Variants in ITGB1 observed in about 807,000 individuals in gnomAD.
ITGB1 encodes integrin subunit beta 1.
ITGB1 carries 24 observed loss-of-function variants against 86.5 expected under a neutral mutation model. That is an observed-to-expected ratio of 0.28 (90% confidence interval 0.20 to 0.39). ITGB1 has a LOEUF of 0.39. Among genes scored for constraint, ITGB1 ranks in the 10% least tolerant of loss-of-function variants. The pLI is 1.00. For missense variants in ITGB1, 556 were observed against 946.9 expected, an observed-to-expected ratio of 0.59 and a Z score of 5.42; for synonymous variants, 323 against 316.8, an observed-to-expected ratio of 1.02 and a Z score of -0.21.
intron 14 of ITGB1, among the ~76,000 whole-genome samples, chr10:32,909,390 A>G (rs2094906396): frequency 6.6e-6 from 1 of 152,202 alleles, no homozygotes; most frequent in Admixed American, 6.5e-5. Context: ...CTTCTACCAA[A>G]AAACAGAGGA....
intron 11 of ITGB1, among the ~76,000 whole-genome samples, chr10:32,917,743 G>A (rs537520517): frequency 6.6e-6 from 1 of 152,340 alleles, no homozygotes; most frequent in Admixed American, 6.5e-5. Context: ...TACACTGCTG[G>A]TGGGACTGTA....
chr10:32,942,187 C>G (rs1257976131), intron 1 of ITGB1, among the ~76,000 whole-genome samples: 2 of 152,144 alleles, frequency 1.3e-5, no homozygotes, highest in Non-Finnish European at 2.9e-5. Flanking sequence ...ATGTGCAGCC[C>G]AAGGGGGTGG....
At position 32,915,154 on chromosome 10, in the gene ITGB1, A is replaced by C. The variant is rs61856647; in HGVS notation, c.1470-3030T>G. Among the ~76,000 whole-genome samples the C allele has an allele frequency of 2.1e-3, 325 of 152,360 alleles. 1 individual carries two copies. The highest frequency in any genetic ancestry group is 3.7e-3 in the Non-Finnish European group (249 of 68,026). On this transcript the variant is annotated intron_variant, in intron 11 of 15. Coordinates refer to ENST00000302278, the MANE Select transcript of ITGB1 (RefSeq NM_002211.4). ...CACAACATACCAGAATCTCTGGGAC[A>C]CATTTAAAGCAGTGTGTAGAGGGAA...
At chr10:32,922,117 T>C (rs1177970934) in intron 9 of ITGB1, 140 bp downstream of exon 9, 4 of 517,476 alleles carry the variant, frequency 7.7e-6, no homozygotes, top group Non-Finnish European at 1.3e-5. Context: ...AAGTTTTTCC[T>C]CTAGATACAT....
chr10:32,935,082 T>G (rs1238272254), intron 2 of ITGB1, among the ~76,000 whole-genome samples: 6 of 152,228 alleles, frequency 3.9e-5, no homozygotes, highest in Non-Finnish European at 7.3e-5. Flanking sequence ...TTTGTGAGAC[T>G]TTTTTATCAA....
chr10:32,924,446 T>C (rs1175003249), intron 6 of ITGB1, among the ~76,000 whole-genome samples: 2 of 152,238 alleles, frequency 1.3e-5, no homozygotes, highest in Non-Finnish European at 2.9e-5. Context: ...ATTTAATACG[T>C]CTGTTTAGAT....
chr10:32,911,347 GTATATTTT>G, intron 13 of ITGB1, 93 bp downstream of exon 13: 1 of 988,604 alleles, frequency 1.0e-6, no homozygotes, highest in Non-Finnish European at 1.5e-6. Context: ...TTTATTTACA[GTATATTTT>G]AATATTGGCA....
chr10:32,945,724 T>C (rs915506319), intron 1 of ITGB1, among the ~76,000 whole-genome samples: 1 of 152,206 alleles, frequency 6.6e-6, no homozygotes, highest in African/African-American at 2.4e-5. Flanking sequence ...ATTTCTAGCA[T>C]TGTGGAGCAT....
In ITGB1 at chr10:32,918,258, G is replaced by A. The variant is rs2094938232; in HGVS notation, c.1469+1627C>T. 2.0e-5 allele frequency among the ~76,000 whole-genome samples: 3 copies of A among 151,994 alleles called. No individual in the cohort carries two copies. In the South Asian group the frequency reaches 6.3e-4, roughly 32 times the overall value. Reference sequence around the variant, plus strand: ...TACCTAATGTAAATGACGAGTTAATGGGTGCAGCACACCAACATGTCACAT... The same window carrying A: ...TACCTAATGTAAATGACGAGTTAATAGGTGCAGCACACCAACATGTCACAT... On this transcript the variant is annotated intron_variant, in intron 11 of 15. Coordinates refer to ENST00000302278, the MANE Select transcript of ITGB1 (RefSeq NM_002211.4).
At chr10:32,928,342 G>T (rs111844634) in intron 4 of ITGB1, 78 bp from the exon 5 acceptor site, 8 of 675,300 alleles carry the variant, frequency 1.2e-5, no homozygotes, top group African/African-American at 9.0e-5. Context: ...AATAAATGTG[G>T]TTTACACGGT....
intron 15 of ITGB1, 86 bp from the exon 16 acceptor site, chr10:32,901,721 G>A: frequency 1.2e-6 from 1 of 858,004 alleles, no homozygotes. Context: ...ACTAAAAGTT[G>A]CAATCATCTT....
intron 1 of ITGB1, among the ~76,000 whole-genome samples, chr10:32,950,425 G>C (rs1214317229): frequency 1.3e-5 from 2 of 152,146 alleles, no homozygotes; most frequent in Admixed American, 6.5e-5. Flanking sequence ...CTTACAGGAA[G>C]AACAATTAAA....
At chr10:32,905,556 AC>A (rs1402617119) in intron 15 of ITGB1, among the ~76,000 whole-genome samples, 1 of 152,228 alleles carries the variant, frequency 6.6e-6, no homozygotes, top group Non-Finnish European at 1.5e-5. Flanking sequence ...CATAACTGCT[AC>A]CAAGTACAAT....
intron 1 of ITGB1, among the ~76,000 whole-genome samples, chr10:32,952,298 A>G (rs1002432317): frequency 6.6e-6 from 1 of 152,184 alleles, no homozygotes; most frequent in African/African-American, 2.4e-5. Context: ...TTCTAAAACA[A>G]GAACCTCAGT....
chr10:32,934,000 C>T (rs1233189307), intron 2 of ITGB1, among the ~76,000 whole-genome samples: 1 of 152,136 alleles, frequency 6.6e-6, no homozygotes. Context: ...TACACATATA[C>T]ACATACTGTA....
intron 1 of ITGB1, chr10:32,953,819 A>C (rs1230881125): frequency 1.3e-5 from 2 of 152,180 alleles, no homozygotes; most frequent in African/African-American, 4.8e-5. Flanking sequence ...TCTGAAAATA[A>C]ATTACCACAA....
intron 1 of ITGB1, among the ~76,000 whole-genome samples, chr10:32,937,107 T>C (rs888110887): frequency 6.6e-6 from 1 of 152,110 alleles, no homozygotes; most frequent in African/African-American, 2.4e-5. Context: ...CTTAAATATA[T>C]AAAAGGTGAC....
intron 5 of ITGB1, 87 bp downstream of exon 5, chr10:32,928,007 G>A (rs2137220224): frequency 1.3e-6 from 1 of 783,788 alleles, no homozygotes; most frequent in Non-Finnish European, 2.0e-6. Flanking sequence ...AGTATGTTGT[G>A]AGTAACAAAG....
At chr10:32,934,074 C>T (rs2094992917) in intron 2 of ITGB1, among the ~76,000 whole-genome samples, 2 of 151,996 alleles carry the variant, frequency 1.3e-5, no homozygotes, top group Non-Finnish European at 2.9e-5. Flanking sequence ...TGATTATTTC[C>T]TTATAATAAA....
Sources: allele counts gnomAD v4.1 joint callset (sites outside exome capture counted in the v4.1 genomes callset), GRCh38; gene constraint gnomAD v4.1.1; transcripts MANE v1.5; gene names NCBI Gene and HGNC (gene_info 2026-07-23, HGNC 2026-07-21).